SPRED1: variants seen among roughly 807,000 people sequenced by gnomAD.
SPRED1 encodes the protein sprouty related EVH1 domain containing 1, also known as sprouty-related, EVH1 domain-containing protein 1.
A neutral mutation model predicts 52.3 loss-of-function variants in SPRED1; 18 were observed. That is an observed-to-expected ratio of 0.34 (90% confidence interval 0.24 to 0.51). The LOEUF (loss-of-function observed/expected upper bound fraction) is 0.51. SPRED1 is among the 20% of genes least tolerant of loss of function. The pLI, the probability that SPRED1 is intolerant of heterozygous loss-of-function variation, is 0.97. For missense variants in SPRED1, 485 were observed against 551.0 expected (o/e 0.88, Z 1.20); for synonymous variants, 155 against 179.7 (o/e 0.86, Z 1.10).
intron 2 of SPRED1, among the ~76,000 whole-genome samples, chr15:38,301,170 C>T (rs1895142316): frequency 1.3e-5 from 2 of 152,074 alleles, no homozygotes; most frequent in South Asian, 4.1e-4. Context: ...ACCAAATCTG[C>T]ATAACTAATT....
intron 1 of SPRED1, among the ~76,000 whole-genome samples, chr15:38,270,904 A>G (rs1641650363): frequency 1.3e-5 from 2 of 152,156 alleles, no homozygotes; most frequent in South Asian, 4.1e-4. Context: ...TTCTTTAAAC[A>G]TTTCTTGTTG....
At chr15:38,304,794 C>T (rs2140982180) in intron 2 of SPRED1, among the ~76,000 whole-genome samples, 1 of 152,308 alleles carries the variant, frequency 6.6e-6, no homozygotes, top group African/African-American at 2.4e-5. Context: ...TCCCCTCCTA[C>T]TGCTCTTCAA....
intron 1 of SPRED1, among the ~76,000 whole-genome samples, chr15:38,275,715 C>T (rs1894536866): frequency 6.6e-6 from 1 of 152,206 alleles, no homozygotes; most frequent in African/African-American, 2.4e-5. Flanking sequence ...TCAGGCTGGT[C>T]TTGAACTCCT....
rs779660163 is a variant in SPRED1 at position 38,351,434 on chromosome 15, A to T, written c.1105A>T (p.Met369Leu). Residue 369 changes from methionine to leucine, a missense_variant, in exon 7 of 7, where the codon ATG becomes TTG. Around this residue, in one of 5 missense-constraint regions of SPRED1, gnomAD observed 205 missense variants for 245.2 expected, o/e 0.84. Transcript: ENST00000299084. ...AAGATGCATATATCAAGTTAGTTGCATGCTCTGTGCAGAGAGCATGTTGTA... is the reference window on the plus strand; with the variant it reads ...AAGATGCATATATCAAGTTAGTTGCTTGCTCTGTGCAGAGAGCATGTTGTA... The part of the protein sequence containing the change: ...IKRCIYQVSC[M>L]LCAESMLYHC... 6.8e-6 allele frequency: 11 copies of T among 1,614,072 alleles called. No individual in the cohort carries two copies. The African/African-American group carries it at 1.5e-4, about 22-fold the overall frequency.
At chr15:38,275,448 T>C (rs1207822043) in intron 1 of SPRED1, among the ~76,000 whole-genome samples, 2 of 152,324 alleles carry the variant, frequency 1.3e-5, no homozygotes, top group South Asian at 2.1e-4. Context: ...TAGAAACTAC[T>C]CTATGGGTGC....
At chr15:38,297,885 TAGTA>T in intron 1 of SPRED1, among the ~76,000 whole-genome samples, 1 of 152,310 alleles carries the variant, frequency 6.6e-6, no homozygotes, top group East Asian at 1.9e-4. Context: ...GCCATACAGA[TAGTA>T]AGTTTCTAAG....
rs1197982472 is a variant in SPRED1, at chr15:38,293,497, TTGCCAG to T, written c.33-5872_33-5867del. Among the ~76,000 whole-genome samples the T allele has an allele frequency of 2.6e-5, 4 of 152,224 alleles. No homozygotes were observed. In the South Asian group the frequency reaches 6.2e-4, roughly 24 times the overall value. Reference sequence around the variant, plus strand: ...TTAATATTTGCTCTAGTTTTTAGAGTTGCCAGTGCTAAAGGAGTAATACAGATCTTC... The same window carrying T: ...TTAATATTTGCTCTAGTTTTTAGAGTTGCTAAAGGAGTAATACAGATCTTC... On this transcript the variant is annotated intron_variant, in intron 1 of 6. Coordinates refer to ENST00000299084, the MANE Select transcript of SPRED1 (RefSeq NM_152594.3).
intron 2 of SPRED1, among the ~76,000 whole-genome samples, chr15:38,312,207 T>C (rs1010401507): frequency 3.9e-5 from 6 of 152,160 alleles, no homozygotes; most frequent in Non-Finnish European, 2.9e-5. Context: ...GCTGTATCAA[T>C]TGGTTCATAA....
chr15:38,348,166 T>C (rs1049274086), intron 5 of SPRED1, among the ~76,000 whole-genome samples: 1 of 152,088 alleles, frequency 6.6e-6, no homozygotes, highest in Non-Finnish European at 1.5e-5. Flanking sequence ...AAAATTGTTC[T>C]CTCTGCTTCC....
intron 1 of SPRED1, among the ~76,000 whole-genome samples, chr15:38,279,260 A>G (rs1566852872): frequency 6.6e-6 from 1 of 152,212 alleles, no homozygotes; most frequent in East Asian, 1.9e-4. Flanking sequence ...GTCAGTGACC[A>G]AGAAGAATTC....
intron 4 of SPRED1, among the ~76,000 whole-genome samples, chr15:38,326,873 G>A (rs779468063): frequency 2.0e-5 from 3 of 152,146 alleles, no homozygotes; most frequent in Non-Finnish European, 4.4e-5. Context: ...CCAGAGCCAC[G>A]AGTTATGAAA....
chr15:38,279,773 C>T (rs1480564231), intron 1 of SPRED1, among the ~76,000 whole-genome samples: 1 of 152,132 alleles, frequency 6.6e-6, no homozygotes, highest in Non-Finnish European at 1.5e-5. Flanking sequence ...AGTAGTAATT[C>T]ATTGCAAGGA....
At chr15:38,301,695 T>G (rs537801068) in intron 2 of SPRED1, among the ~76,000 whole-genome samples, 1 of 152,286 alleles carries the variant, frequency 6.6e-6, no homozygotes, top group Admixed American at 6.5e-5. Context: ...TGCTGGGTAA[T>G]ACACTGTGAT....
At chr15:38,299,697 C>A in intron 2 of SPRED1, 150 bp downstream of exon 2, 1 of 811,684 alleles carries the variant, frequency 1.2e-6, no homozygotes, top group Non-Finnish European at 2.0e-6. Flanking sequence ...TGAAATACAA[C>A]ATTTTTTTTT....
At chr15:38,313,677 G>A (rs573483954) in intron 2 of SPRED1, among the ~76,000 whole-genome samples, 81 of 151,314 alleles carry the variant, frequency 5.4e-4, no homozygotes, top group Admixed American at 3.4e-3. Context: ...AAACAAGCAA[G>A]CAAATGGTGA....
At chr15:38,340,393 G>A (rs570181088) in intron 5 of SPRED1, among the ~76,000 whole-genome samples, 25 of 152,144 alleles carry the variant, frequency 1.6e-4, no homozygotes, top group African/African-American at 5.8e-4. Flanking sequence ...CTTGGTTGCC[G>A]TGTGATGTAT....
At chr15:38,269,970 C>T (rs1566849568) in intron 1 of SPRED1, among the ~76,000 whole-genome samples, 3 of 143,872 alleles carry the variant, frequency 2.1e-5, no homozygotes, top group East Asian at 2.1e-4. Flanking sequence ...TGCAGTGGCA[C>T]GATCTTAGAC....
rs772421738 is a variant in SPRED1, at chr15:38,351,636, G to A, written c.1307G>A (p.Cys436Tyr). Residue 436 changes from cysteine to tyrosine, a missense_variant, in exon 7 of 7, where the codon TGT becomes TAT. This residue lies in a region of SPRED1 where 205 missense variants were observed against 245.2 expected (regional missense o/e 0.84). Coordinates refer to ENST00000299084, the MANE Select transcript of SPRED1 (RefSeq NM_152594.3). ...CGCTGTGGTGAGGCATGTGGTTGCT[G>A]TGGTGGGAAACATAAAGCTGCTGGA... ...CHRCGEACGC[C>Y]GGKHKAAG 18 of 1,613,536 alleles carry A rather than the reference G, an allele frequency of 1.1e-5. No homozygotes were observed. The South Asian group carries it at 1.4e-4, about 13-fold the overall frequency.
intron 2 of SPRED1, among the ~76,000 whole-genome samples, chr15:38,304,372 A>T (rs928140987): frequency 8.5e-5 from 13 of 152,174 alleles, no homozygotes; most frequent in African/African-American, 2.9e-4. Context: ...TTTCCTTAGG[A>T]TTCAGCCTTC....
Sources: gnomAD v4.1 joint callset for allele counts (sites outside exome capture counted in the v4.1 genomes callset) on GRCh38, gnomAD v4.1.1 for gene constraint, gnomAD v4.1.1 regional missense constraint, MANE v1.5 for transcripts, NCBI Gene and HGNC (gene_info 2026-07-23, HGNC 2026-07-21) for gene names.